LRRTM4: variants seen among roughly 807,000 people sequenced by gnomAD.
LRRTM4 encodes leucine-rich repeat transmembrane neuronal protein 4.
In LRRTM4, 25 loss-of-function variants were observed where a neutral mutation model predicts 47.6. That is an observed-to-expected ratio of 0.53 (90% CI 0.38 to 0.73). The LOEUF (loss-of-function observed/expected upper bound fraction) is 0.73, where lower values mean the gene tolerates loss of function less well. Ranked by LOEUF, LRRTM4 falls within the 30% of genes least tolerant of loss-of-function variation. The probability of loss-of-function intolerance (pLI) is 0.00; values close to 1 mark genes in which losing one functional copy is unlikely to be tolerated. For missense variants in LRRTM4, 638 were observed against 713.4 expected (o/e 0.89, Z 1.20); for synonymous variants, 311 against 269.5 (o/e 1.15, Z -1.51).
intron 3 of LRRTM4, among the ~76,000 whole-genome samples, chr2:77,417,994 A>C (rs1674714292): frequency 6.6e-6 from 1 of 152,134 alleles, no homozygotes; most frequent in African/African-American, 2.4e-5. Flanking sequence ...GAGAGAACAA[A>C]ATCATATTAA....
In LRRTM4 at chr2:76,764,499, C is replaced by G. The variant is rs1281026515; in HGVS notation, c.1552-15583G>C. ...GCAAAAAATTAGCTGGGCGTGGTGG[C>G]GGGCGCCTATAGTCCCAGCTACTCC... On this transcript the variant is annotated intron_variant, in intron 3 of 3. Transcript: ENST00000409884. Among the ~76,000 whole-genome samples, 3 of 152,090 alleles carry G rather than the reference C, an allele frequency of 2.0e-5. No individual in the cohort carries two copies. In the East Asian group the frequency reaches 5.8e-4, roughly 30 times the overall value.
chr2:76,830,341 A>T (rs1227060983), intron 3 of LRRTM4, among the ~76,000 whole-genome samples: 1 of 151,862 alleles, frequency 6.6e-6, no homozygotes, highest in Non-Finnish European at 1.5e-5. Flanking sequence ...AAATATCTAC[A>T]CTTTTTTAAT....
At chr2:76,998,122 C>G (rs1261939350) in intron 3 of LRRTM4, among the ~76,000 whole-genome samples, 1 of 151,964 alleles carries the variant, frequency 6.6e-6, no homozygotes, top group Non-Finnish European at 1.5e-5. Context: ...ATGCTCGAAT[C>G]ATCCTAAAAC....
At chr2:77,270,941 A>T (rs1337138734) in intron 3 of LRRTM4, among the ~76,000 whole-genome samples, 1 of 152,154 alleles carries the variant, frequency 6.6e-6, no homozygotes, top group African/African-American at 2.4e-5. Context: ...AAAACCAATC[A>T]GCATGCAATC....
intron 3 of LRRTM4, among the ~76,000 whole-genome samples, chr2:77,479,962 A>G (rs1335165234): frequency 6.6e-6 from 1 of 152,220 alleles, no homozygotes; most frequent in Non-Finnish European, 1.5e-5. Context: ...ATATGACACG[A>G]CATTTTCCTA....
chr2:76,821,155 T>G (rs971620469), intron 3 of LRRTM4, among the ~76,000 whole-genome samples: 3 of 151,664 alleles, frequency 2.0e-5, no homozygotes, highest in African/African-American at 7.3e-5. Flanking sequence ...AAAAAAGAGT[T>G]ATTCCTTCAG....
At chr2:76,937,636 C>A (rs1312167604) in intron 3 of LRRTM4, among the ~76,000 whole-genome samples, 1 of 152,046 alleles carries the variant, frequency 6.6e-6, no homozygotes, top group Non-Finnish European at 1.5e-5. Context: ...TGGTGCGATC[C>A]CGACTCACTG....
chr2:77,145,115 C>G (rs1405042284), intron 3 of LRRTM4, among the ~76,000 whole-genome samples: 2 of 151,728 alleles, frequency 1.3e-5, no homozygotes, highest in African/African-American at 2.4e-5. Context: ...ACATAGATAA[C>G]AGACATAGAG....
At chr2:77,419,019 A>T (rs763881459) in intron 3 of LRRTM4, among the ~76,000 whole-genome samples, 1 of 152,176 alleles carries the variant, frequency 6.6e-6, no homozygotes, top group African/African-American at 2.4e-5. Flanking sequence ...CTAGATTATA[A>T]GTTTCACAAA....
At chr2:76,805,135 C>T (rs1675905092) in intron 3 of LRRTM4, among the ~76,000 whole-genome samples, 2 of 152,080 alleles carry the variant, frequency 1.3e-5, no homozygotes, top group South Asian at 2.1e-4. Flanking sequence ...GGAATCAAGG[C>T]CCTTAACCTC....
chr2:76,834,019 A>ATTATTTATTTATTTATTTATTTATTTAT (rs10644834), intron 3 of LRRTM4, among the ~76,000 whole-genome samples: 1 of 140,538 alleles, frequency 7.1e-6, no homozygotes. Flanking sequence ...TCATTTATTT[A>ATTATTTATTTATTTATTTATTTATTTAT]TTATTTATTT....
rs1349939306 is a variant in LRRTM4, at chr2:76,918,963, C to T, written c.1552-170047G>A. Among the ~76,000 whole-genome samples, 10 of 152,212 alleles carry T rather than the reference C, an allele frequency of 6.6e-5. No homozygotes were observed. The South Asian group carries it at 1.7e-3, about 25-fold the overall frequency. On this transcript the variant is annotated intron_variant, in intron 3 of 3. Transcript: ENST00000409884. ...AGAAAAGCTGATATGCTCCTGGTTA[C>T]GGTTTATTGCAGCAAAAGGATATAG...
At chr2:76,911,747 T>C (rs993869667) in intron 3 of LRRTM4, among the ~76,000 whole-genome samples, 6 of 151,982 alleles carry the variant, frequency 3.9e-5, no homozygotes, top group African/African-American at 1.5e-4. Context: ...AATAGGCCAA[T>C]CACTTTTTTC....
intron 3 of LRRTM4, among the ~76,000 whole-genome samples, chr2:77,039,106 GAAGT>G (rs1330531619): frequency 1.3e-5 from 2 of 151,034 alleles, no homozygotes; most frequent in African/African-American, 2.4e-5. Flanking sequence ...TTGATCAAGG[GAAGT>G]AATTAATTTA....
At chr2:77,365,243 G>A (rs1477090032) in intron 3 of LRRTM4, among the ~76,000 whole-genome samples, 46 of 152,004 alleles carry the variant, frequency 3.0e-4, no homozygotes, top group Admixed American at 2.9e-3. Context: ...GAGAAATGCT[G>A]CAGTCAATGA....
At chr2:77,240,501 C>G (rs188421464) in intron 3 of LRRTM4, among the ~76,000 whole-genome samples, 1 of 152,018 alleles carries the variant, frequency 6.6e-6, no homozygotes, top group East Asian at 1.9e-4. Context: ...TGAAAGGCCT[C>G]TTTTCTAAGA....
At chr2:76,960,877 A>G (rs977747576) in intron 3 of LRRTM4, among the ~76,000 whole-genome samples, 1 of 151,490 alleles carries the variant, frequency 6.6e-6, no homozygotes, top group African/African-American at 2.4e-5. Flanking sequence ...GGCACATTTT[A>G]AAAAATAAAT....
rs182459611 is a variant in LRRTM4 at position 77,090,015 on chromosome 2, C to T, written c.1552-341099G>A. On this transcript the variant is annotated intron_variant, in intron 3 of 3. Transcript: ENST00000409884. ...AGCATCGCTGAGTCTTTGTTATCTT[C>T]CTTTTCTACAGACCCACCTGACCTC... Among the ~76,000 whole-genome samples, 590 of 152,214 alleles carry T rather than the reference C, an allele frequency of 3.9e-3. 6 individuals are homozygous for T. Among genetic ancestry groups the T allele is most frequent in the African/African-American group, 0.014 (567 of 41,526 alleles).
At position 77,509,588 on chromosome 2, in the gene LRRTM4, A is replaced by G. The variant is rs1401123107; in HGVS notation, c.1551+8730T>C. ...ATCAGGGAGTATTATAACCATCATC[A>G]TAACTAATAATAACAATGAAAATAA... On this transcript the variant is annotated intron_variant, in intron 3 of 3. Coordinates refer to ENST00000409884, the MANE Select transcript of LRRTM4 (RefSeq NM_001134745.3). Among the ~76,000 whole-genome samples, 8 of 152,292 alleles carry G rather than the reference A, an allele frequency of 5.3e-5. No homozygotes were observed. The East Asian group carries it at 1.5e-3, about 29-fold the overall frequency.
Sources: gnomAD v4.1 joint callset for allele counts (sites outside exome capture counted in the v4.1 genomes callset) on GRCh38, gnomAD v4.1.1 for gene constraint, MANE v1.5 for transcripts, NCBI Gene and HGNC (gene_info 2026-07-23, HGNC 2026-07-21) for gene names.